CCDC170: variants seen among roughly 807,000 people sequenced by gnomAD.
CCDC170 encodes coiled-coil domain containing 170.
CCDC170 carries 69 observed loss-of-function variants against 72.6 expected under a neutral mutation model. The ratio of observed to expected loss-of-function variants is 0.95; its 90% CI spans 0.78 to 1.16. The LOEUF (loss-of-function observed/expected upper bound fraction) is 1.16, where lower values mean the gene tolerates loss of function less well. Among genes scored for constraint, CCDC170 ranks in the 50% most tolerant of loss-of-function variants. The pLI, the probability that CCDC170 is intolerant of heterozygous loss-of-function variation, is 0.00. For synonymous variants in CCDC170, 300 were observed against 303.9 expected (o/e 0.99, Z 0.13); for missense variants, 852 against 832.5 (o/e 1.02, Z -0.29).
chr6:151,511,986 A>T (rs1311284898), intron 1 of CCDC170, among the ~76,000 whole-genome samples: 1 of 151,950 alleles, frequency 6.6e-6, no homozygotes, highest in Non-Finnish European at 1.5e-5. Flanking sequence ...AGCTGGGACC[A>T]TAGGGACACT....
chr6:151,583,944 G>A (rs1776414498), intron 6 of CCDC170, among the ~76,000 whole-genome samples: 1 of 152,186 alleles, frequency 6.6e-6, no homozygotes, highest in African/African-American at 2.4e-5. Context: ...GGAGTGGTTT[G>A]TGGCACCCCA....
rs1188059178 is a variant in CCDC170, at chr6:151,619,262, T to G, written c.*1115T>G. The G allele has an allele frequency of 6.6e-6, 1 of 152,100 alleles. No homozygotes were observed. Among genetic ancestry groups the G allele is most frequent in the Non-Finnish European group, 1.5e-5 (1 of 68,018 alleles). 9.4% of individuals were successfully genotyped at this position (152,100 alleles called of 1,614,324 possible). A position where few individuals can be genotyped will look rare whatever the true frequency, so the allele number is the denominator to read the frequency against. On this transcript the variant is annotated 3_prime_UTR_variant, in exon 11 of 11. Coordinates refer to ENST00000239374, the MANE Select transcript of CCDC170 (RefSeq NM_025059.4). ...AAGCTTTATTTGGAGCCCAACCCTA[T>G]AAGATGAAGAAATCCTATATAGTCT...
At chr6:151,520,024 C>A (rs1276782712) in intron 1 of CCDC170, among the ~76,000 whole-genome samples, 1 of 152,128 alleles carries the variant, frequency 6.6e-6, no homozygotes, top group Non-Finnish European at 1.5e-5. Context: ...ATAAAGAATG[C>A]CTAACCTCTG....
chr6:151,509,218 CTATG>C (rs201333919), intron 1 of CCDC170, among the ~76,000 whole-genome samples: 11,332 of 113,850 alleles, frequency 0.1, 564 homozygotes, highest in East Asian at 0.22. Flanking sequence ...ATCTATCTAT[CTATG>C]TATCTATCTA....
intron 6 of CCDC170, among the ~76,000 whole-genome samples, chr6:151,578,970 G>A (rs777256373): frequency 1.3e-5 from 2 of 151,950 alleles, no homozygotes; most frequent in Non-Finnish European, 2.9e-5. Flanking sequence ...AAATCTTTTA[G>A]GGCATTATGA....
At chr6:151,549,561 A>G (rs890886520) in intron 5 of CCDC170, among the ~76,000 whole-genome samples, 13 of 152,086 alleles carry the variant, frequency 8.5e-5, no homozygotes, top group Admixed American at 8.5e-4. Context: ...AGTTCTCTTC[A>G]GAGGCAACCT....
At chr6:151,573,864 T>C (rs1226523117) in intron 6 of CCDC170, among the ~76,000 whole-genome samples, 1 of 152,224 alleles carries the variant, frequency 6.6e-6, no homozygotes, top group African/African-American at 2.4e-5. Context: ...CCACGACACG[T>C]GGGGATGATG....
chr6:151,537,097 CT>C (rs1782601408), intron 2 of CCDC170, among the ~76,000 whole-genome samples: 1 of 152,154 alleles, frequency 6.6e-6, no homozygotes, highest in South Asian at 2.1e-4. Context: ...TGCTTGCAAT[CT>C]GGAGTTCTTA....
chr6:151,548,414 GA>G lies in CCDC170; in HGVS notation c.700del (p.Arg234GlyfsTer23), dbSNP rs777078815. 5 of 1,613,156 alleles carry G rather than the reference GA, an allele frequency of 3.1e-6. No individual in the cohort carries two copies. Among genetic ancestry groups the G allele is most frequent in the Non-Finnish European group, 3.4e-6 (4 of 1,179,380 alleles). ...EAKASRETIMRLASEVNREQK... is the reference protein window; with the variant it reads ...EAKASRETIMXLASEVNREQK... ...CAAAAGCTAGCAGAGAAACGATCAT[GA>G]GGCTGGCTTCAGAAGTCAACAGAGA... On this transcript the variant is annotated frameshift_variant, in exon 5 of 11. Coordinates refer to ENST00000239374, the MANE Select transcript of CCDC170 (RefSeq NM_025059.4). LOFTEE classifies it high-confidence loss of function.
rs554809725 is a variant in CCDC170 at position 151,593,440 on chromosome 6, T to A, written c.1467+160T>A. Among the ~76,000 whole-genome samples, 9 of 151,934 alleles carry A rather than the reference T, an allele frequency of 5.9e-5. No individual in the cohort carries two copies. In the South Asian group the frequency reaches 6.3e-4, roughly 11 times the overall value. ...GAGGCTCAATTTCAAGTCTGAAGAG[T>A]TGGTAAGTGTATCTGTCACCTAAGG... On this transcript the variant is annotated intron_variant, in intron 8 of 10. Transcript: ENST00000239374.
At chr6:151,525,499 G>A (rs1782390531) in intron 1 of CCDC170, among the ~76,000 whole-genome samples, 1 of 152,070 alleles carries the variant, frequency 6.6e-6, no homozygotes, top group Non-Finnish European at 1.5e-5. Context: ...TTGGGATAAT[G>A]TACTTTGTGA....
At chr6:151,613,555 C>T (rs1365959869) in intron 9 of CCDC170, among the ~76,000 whole-genome samples, 2 of 152,142 alleles carry the variant, frequency 1.3e-5, no homozygotes, top group Non-Finnish European at 2.9e-5. Context: ...AGCCCCTGGC[C>T]TTTTCTGGAT....
At chr6:151,532,609 G>GGA (rs751383192) in intron 1 of CCDC170, among the ~76,000 whole-genome samples, 5 of 80,766 alleles carry the variant, frequency 6.2e-5, no homozygotes, top group South Asian at 4.9e-4. Flanking sequence ...TGTCTCAAAA[G>GGA]AAAAAAAAAA....
chr6:151,540,018 C>T (rs540735324), intron 3 of CCDC170, among the ~76,000 whole-genome samples: 1 of 152,262 alleles, frequency 6.6e-6, no homozygotes, highest in African/African-American at 2.4e-5. Flanking sequence ...CTAACTTGGT[C>T]CAAGCCACCA....
At chr6:151,506,394 C>T (rs868388804) in intron 1 of CCDC170, among the ~76,000 whole-genome samples, 2 of 152,240 alleles carry the variant, frequency 1.3e-5, no homozygotes, top group Non-Finnish European at 1.5e-5. Context: ...TTAAACCATG[C>T]CATTTGAGTA....
At chr6:151,520,171 G>A (rs1002176200) in intron 1 of CCDC170, among the ~76,000 whole-genome samples, 6 of 152,198 alleles carry the variant, frequency 3.9e-5, no homozygotes, top group Non-Finnish European at 8.8e-5. Context: ...GTCCTGAGTA[G>A]GGGAGGGAGG....
intron 1 of CCDC170, among the ~76,000 whole-genome samples, chr6:151,497,069 A>G (rs1781921618): frequency 6.6e-6 from 1 of 152,248 alleles, no homozygotes. Flanking sequence ...GAGAATCTGT[A>G]GGAGGGACAG....
At chr6:151,563,398 A>G (rs1187158743) in intron 5 of CCDC170, among the ~76,000 whole-genome samples, 1 of 152,164 alleles carries the variant, frequency 6.6e-6, no homozygotes, top group African/African-American at 2.4e-5. Flanking sequence ...TTGTCCCAAC[A>G]GGGACTTGGT....
At chr6:151,598,283 G>A (rs1211769029) in intron 9 of CCDC170, among the ~76,000 whole-genome samples, 1 of 152,178 alleles carries the variant, frequency 6.6e-6, no homozygotes, top group African/African-American at 2.4e-5. Flanking sequence ...TCTAATCCTG[G>A]CTGGAAGAGG....
Sources: gnomAD v4.1 joint callset for allele counts (sites outside exome capture counted in the v4.1 genomes callset) on GRCh38, gnomAD v4.1.1 for gene constraint, MANE v1.5 for transcripts, NCBI Gene and HGNC (gene_info 2026-07-23, HGNC 2026-07-21) for gene names.